Variants in KCTD1 observed in about 807,000 individuals in gnomAD.
KCTD1 encodes the protein potassium channel tetramerization domain containing 1, also known as BTB/POZ domain-containing protein KCTD1.
A neutral mutation model predicts 66.0 loss-of-function variants in KCTD1; 24 were observed. The observed-to-expected ratio is 0.36, with a 90% CI of 0.26 to 0.51. The LOEUF is 0.51. Ranked by LOEUF, KCTD1 falls within the 20% of genes least tolerant of loss-of-function variation. KCTD1 has a pLI of 0.95. For missense variants in KCTD1, 943 were observed against 1,205.2 expected, an observed-to-expected ratio of 0.78 and a Z score of 3.22; for synonymous variants, 511 against 517.2, an observed-to-expected ratio of 0.99 and a Z score of 0.16.
chr18:26,555,339 C>T (rs1985681096), intron 1 of KCTD1, among the ~76,000 whole-genome samples: 1 of 152,164 alleles, frequency 6.6e-6, no homozygotes, highest in African/African-American at 2.4e-5. Context: ...ACAGGAAAAT[C>T]GCTTGAACCT....
chr18:26,648,463 C>T (rs910765454), intron 1 of KCTD1, among the ~76,000 whole-genome samples: 1 of 152,162 alleles, frequency 6.6e-6, no homozygotes, highest in Non-Finnish European at 1.5e-5. Flanking sequence ...AGATTGCAGT[C>T]CTCATTAATT....
rs1980026625 is a variant in KCTD1 at position 26,455,566 on chromosome 18, A to G, written c.*177T>C. The G allele has an allele frequency of 1.5e-5, 9 of 584,122 alleles. No individual in the cohort carries two copies. In the Admixed American group the frequency reaches 1.7e-4, roughly 11 times the overall value. 36.2% of individuals were successfully genotyped at this position (584,122 alleles called of 1,614,324 possible). A position where few individuals can be genotyped will look rare whatever the true frequency, so the allele number is the denominator to read the frequency against. On this transcript the variant is annotated 3_prime_UTR_variant, in exon 5 of 5. Transcript: ENST00000580059. ...ATATTTTTTACACCTTGAGGATATC[A>G]CTATTCCAATTGTTCCCATATGAAT... is the stretch of plus-strand genomic sequence containing the variant.
At chr18:26,559,866 C>G (rs1251509095) in intron 1 of KCTD1, among the ~76,000 whole-genome samples, 1 of 152,208 alleles carries the variant, frequency 6.6e-6, no homozygotes, top group African/African-American at 2.4e-5. Flanking sequence ...AAAGCAGCGA[C>G]CTTCTGCTGC....
At chr18:26,601,675 T>A (rs1986903286) in intron 1 of KCTD1, among the ~76,000 whole-genome samples, 1 of 152,176 alleles carries the variant, frequency 6.6e-6, no homozygotes, top group Non-Finnish European at 1.5e-5. Flanking sequence ...ATTCTTTAGG[T>A]CTTTAATTTT....
At chr18:26,621,710 C>T (rs1987390161) in intron 1 of KCTD1, among the ~76,000 whole-genome samples, 1 of 152,168 alleles carries the variant, frequency 6.6e-6, no homozygotes, top group African/African-American at 2.4e-5. Context: ...TTGGTTAATA[C>T]GGAGTTGGTT....
intron 1 of KCTD1, chr18:26,566,714 A>G (rs977458826): frequency 1.3e-5 from 2 of 151,828 alleles, no homozygotes; most frequent in African/African-American, 2.4e-5. Flanking sequence ...TTGAGGTTCA[A>G]CTTGATTCTA....
In KCTD1 at chr18:26,476,759, AAGATGG is replaced by A; in HGVS notation, c.1989-106_1989-101del. The stretch of plus-strand genomic sequence containing the variant: ...ATCACTGTCAAAGGTAGCACTTTTG[AAGATGG>A]CAGTAGGGAAAAATTACGATTGTCT... On this transcript the variant is annotated intron_variant, in intron 2 of 4. Transcript: ENST00000580059. This position sits in a 1 kb window ranked among gnomAD's most constrained non-coding sequence, Gnocchi z 4.9. The A allele has an allele frequency of 9.6e-7, 1 of 1,038,536 alleles. No homozygotes were observed. Among genetic ancestry groups the A allele is most frequent in the Non-Finnish European group, 1.4e-6 (1 of 698,024 alleles). 64.3% of individuals were successfully genotyped at this position (1,038,536 alleles called of 1,614,324 possible).
intron 4 of KCTD1, chr18:26,457,808 G>A (rs1364018638): frequency 6.6e-6 from 1 of 152,188 alleles, no homozygotes; most frequent in Admixed American, 6.5e-5. Context: ...CCTATTTCTT[G>A]GTCGGTGGAG....
At chr18:26,529,693 A>T (rs1163276842) in intron 1 of KCTD1, among the ~76,000 whole-genome samples, 1 of 152,250 alleles carries the variant, frequency 6.6e-6, no homozygotes, top group African/African-American at 2.4e-5. Flanking sequence ...CATTTAAAAT[A>T]AAATGTAACC....
At chr18:26,549,772 T>C, upstream of KCTD1, 1 of 985,502 alleles carries the variant, frequency 1.0e-6, no homozygotes. Context: ...CGGGCTGCGC[T>C]GCCTCAGGCG....
At chr18:26,497,949 C>T (rs1177176060) in intron 2 of KCTD1, among the ~76,000 whole-genome samples, 2 of 152,086 alleles carry the variant, frequency 1.3e-5, no homozygotes, top group Non-Finnish European at 2.9e-5. Context: ...GCTAGGAAAG[C>T]AAGAAATGGA....
chr18:26,506,195 A>G (rs928172351), intron 1 of KCTD1, among the ~76,000 whole-genome samples: 1 of 152,158 alleles, frequency 6.6e-6, no homozygotes, highest in African/African-American at 2.4e-5. Flanking sequence ...AACACTTATT[A>G]ACATCTCTTG....
chr18:26,534,711 C>G (rs1269318348), intron 1 of KCTD1, among the ~76,000 whole-genome samples: 1 of 152,004 alleles, frequency 6.6e-6, no homozygotes, highest in Non-Finnish European at 1.5e-5. Flanking sequence ...AATGTAGTAA[C>G]CTGCCTAAGA....
At chr18:26,632,038 A>C (rs1987631356), upstream of KCTD1, among the ~76,000 whole-genome samples, 1 of 151,720 alleles carries the variant, frequency 6.6e-6, no homozygotes, top group African/African-American at 2.4e-5. Flanking sequence ...TGACAGAGTG[A>C]GACTCCGTCT....
intron 1 of KCTD1, among the ~76,000 whole-genome samples, chr18:26,575,026 A>C (rs1052115479): frequency 6.6e-6 from 1 of 152,222 alleles, no homozygotes; most frequent in Non-Finnish European, 1.5e-5. Flanking sequence ...AATTTTCTCC[A>C]GTGTAACTTG....
upstream of KCTD1, chr18:26,548,615 T>C (rs1478383503): frequency 7.9e-5 from 93 of 1,173,918 alleles, no homozygotes; most frequent in South Asian, 1.3e-4. Context: ...TTGTGTTTAA[T>C]GACCTTCAGC....
chr18:26,543,784 T>G (rs1342888166), intron 1 of KCTD1: 1 of 152,216 alleles, frequency 6.6e-6, no homozygotes, highest in Non-Finnish European at 1.5e-5. Flanking sequence ...AAAGACACCT[T>G]TGTCACAGCT....
intron 1 of KCTD1, among the ~76,000 whole-genome samples, chr18:26,512,491 TACTC>T (rs1429915320): frequency 2.0e-5 from 3 of 152,160 alleles, no homozygotes; most frequent in African/African-American, 4.8e-5. Context: ...GTACATGACT[TACTC>T]TATATAATAA....
intron 1 of KCTD1, among the ~76,000 whole-genome samples, chr18:26,587,500 C>A (rs1015816161): frequency 6.6e-6 from 1 of 152,150 alleles, no homozygotes; most frequent in African/African-American, 2.4e-5. Context: ...TTGACTTTTG[C>A]GTCTTATTAT....
Sources: allele counts gnomAD v4.1 joint callset (sites outside exome capture counted in the v4.1 genomes callset), GRCh38; gene constraint gnomAD v4.1.1; non-coding constraint Gnocchi (gnomAD v3.1); transcripts MANE v1.5; gene names NCBI Gene and HGNC (gene_info 2026-07-23, HGNC 2026-07-21).